UTRN: variants seen among roughly 807,000 people sequenced by gnomAD.
The protein encoded by UTRN is dystrophin-related protein 1.
A neutral mutation model predicts 463.9 loss-of-function variants in UTRN; 283 were observed. The observed-to-expected ratio is 0.61, with a 90% CI of 0.55 to 0.67. The LOEUF (loss-of-function observed/expected upper bound fraction) is 0.67, where lower values mean the gene tolerates loss of function less well. Among genes scored for constraint, UTRN ranks in the 30% least tolerant of loss-of-function variants. The probability of loss-of-function intolerance (pLI) is 0.00; values close to 1 mark genes in which losing one functional copy is unlikely to be tolerated. For synonymous variants in UTRN, 1,442 were observed against 1,431.5 expected (o/e 1.01, Z -0.17); for missense variants, 3,922 against 4,084.3 (o/e 0.96, Z 1.08).
intron 52 of UTRN, among the ~76,000 whole-genome samples, chr6:144,695,971 A>G (rs1376403117): frequency 6.6e-6 from 1 of 152,204 alleles, no homozygotes; most frequent in Non-Finnish European, 1.5e-5. Flanking sequence ...CATGGTTTCA[A>G]AGGCCAGTAA....
rs142282459 is a variant in UTRN, at chr6:144,395,504, G to A, written c.80-7619G>A. On this transcript the variant is annotated intron_variant, in intron 2 of 74. Transcript: ENST00000367545. ...ACATTCTTTCAGTTTAAGTTTAGGC[G>A]CTCTAGAAAGTGCAAGTAGAAAAAC... 5.0e-3 allele frequency among the ~76,000 whole-genome samples: 758 copies of A among 151,530 alleles called. 3 individuals carry two copies. The highest frequency in any genetic ancestry group is 7.8e-3 in the Non-Finnish European group (532 of 67,954).
intron 65 of UTRN, among the ~76,000 whole-genome samples, chr6:144,819,871 T>TCCTCCG (rs1562948796): frequency 1.5e-5 from 2 of 137,672 alleles, no homozygotes; most frequent in African/African-American, 5.9e-5. Context: ...CTTCTCCTCC[T>TCCTCCG]CCGCCGCCTC....
chr6:144,751,800 T>C lies in UTRN; in HGVS notation c.8209-6T>C. On this transcript the variant is annotated splice_polypyrimidine_tract_variant and splice_region_variant and intron_variant, in intron 55 of 74. Transcript: ENST00000367545. Reference sequence around the variant, plus strand: ...CAATAATATATTTTTTGTTCTTTTCTTCTAGGCATTTAGAGAAGAAATTGC... The same window carrying C: ...CAATAATATATTTTTTGTTCTTTTCCTCTAGGCATTTAGAGAAGAAATTGC... 6.3e-7 allele frequency: 1 copy of C among 1,596,156 alleles called. No homozygotes were observed. The highest frequency in any genetic ancestry group is 8.5e-7 in the Non-Finnish European group (1 of 1,173,632).
intron 2 of UTRN, among the ~76,000 whole-genome samples, chr6:144,380,321 CAA>C (rs1016289287): frequency 4.6e-5 from 7 of 152,070 alleles, no homozygotes; most frequent in African/African-American, 1.4e-4. Flanking sequence ...AAGAAGCAGA[CAA>C]AAATGTCTAG....
chr6:144,535,052 G>T (rs1437941738), intron 43 of UTRN, among the ~76,000 whole-genome samples: 1 of 152,062 alleles, frequency 6.6e-6, no homozygotes, highest in African/African-American at 2.4e-5. Flanking sequence ...TTGCATGGAG[G>T]GTCTTAGCTT....
intron 12 of UTRN, 152 bp from the exon 13 acceptor site, chr6:144,440,200 T>A: frequency 1.3e-6 from 1 of 752,514 alleles, no homozygotes; most frequent in Non-Finnish European, 2.2e-6. Flanking sequence ...TATAATAGGA[T>A]TAGTTTCATT....
rs375664557 is a variant in UTRN at position 144,782,071 on chromosome 6, G to T, written c.8782G>T (p.Val2928Phe). The T allele has an allele frequency of 6.2e-7, 1 of 1,613,920 alleles. No individual in the cohort carries two copies. The highest frequency in any genetic ancestry group is 8.5e-7 in the Non-Finnish European group (1 of 1,179,924). ...GCAAATGCATAAGGACCTGGTCAAC[G>T]TTCCACTCTGTGTTGATATGTGTCT... ...LEQMHKDLVN[V>F]PLCVDMCLNW... Residue 2928 changes from valine to phenylalanine, a missense_variant, in exon 61 of 75, where the codon GTT becomes TTT. By Grantham distance (50) the Val-to-Phe change is conservative (BLOSUM62 -1). This residue lies in a region of UTRN where 1,309 missense variants were observed against 1,452.6 expected (regional missense o/e 0.90). Transcript: ENST00000367545.
At chr6:144,840,110 C>A (rs1280176015) in intron 72 of UTRN, among the ~76,000 whole-genome samples, 6 of 152,098 alleles carry the variant, frequency 3.9e-5, no homozygotes, top group Non-Finnish European at 4.4e-5. Flanking sequence ...ATTGCTGGAA[C>A]CTGGGAGGCG....
intron 51 of UTRN, among the ~76,000 whole-genome samples, chr6:144,600,891 G>C (rs1804175282): frequency 6.6e-6 from 1 of 152,232 alleles, no homozygotes; most frequent in Admixed American, 6.5e-5. Flanking sequence ...TAATGCAGCT[G>C]GTGACTTTAA....
At chr6:144,351,358 A>G (rs1778093123) in intron 2 of UTRN, among the ~76,000 whole-genome samples, 1 of 152,218 alleles carries the variant, frequency 6.6e-6, no homozygotes, top group South Asian at 2.1e-4. Flanking sequence ...AAAATTTACC[A>G]GTGTGTCCTC....
At chr6:144,708,069 CTT>C (rs71028303) in intron 53 of UTRN, 125 of 170,232 alleles carry the variant, frequency 7.3e-4, no homozygotes, top group South Asian at 1.6e-3. Context: ...TGAAAATTAA[CTT>C]TTTTTTTTTT....
intron 14 of UTRN, among the ~76,000 whole-genome samples, chr6:144,444,655 C>T (rs1470443463): frequency 6.6e-6 from 1 of 152,122 alleles, no homozygotes; most frequent in Non-Finnish European, 1.5e-5. Flanking sequence ...TGTTTGACAT[C>T]ATAGTTATTA....
Position 144,797,821 on chromosome 6 carries a change from C to T in UTRN, c.9079-3C>T, listed in dbSNP as rs1264963975. ...ACTTTTAATATATTTCTTTTTTCAC[C>T]AGAATAACAATAAACCAGAAATAAG... On this transcript the variant is annotated splice_polypyrimidine_tract_variant and splice_region_variant and intron_variant, in intron 63 of 74. Coordinates refer to ENST00000367545, the MANE Select transcript of UTRN (RefSeq NM_007124.3). The T allele has an allele frequency of 1.2e-6, 2 of 1,609,724 alleles. No individual in the cohort carries two copies. The highest frequency in any genetic ancestry group is 2.7e-5 in the African/African-American group (2 of 74,528).
chr6:144,772,842 G>A (rs923844039), intron 59 of UTRN, among the ~76,000 whole-genome samples: 9 of 152,012 alleles, frequency 5.9e-5, no homozygotes, highest in Non-Finnish European at 1.0e-4. Flanking sequence ...TTGGTCCAGC[G>A]GTTTTTTTAA....
At chr6:144,541,839 C>T (rs915266032) in intron 45 of UTRN, among the ~76,000 whole-genome samples, 2 of 152,044 alleles carry the variant, frequency 1.3e-5, no homozygotes, top group African/African-American at 2.4e-5. Context: ...GGTTAATTTA[C>T]GAAGGATGAA....
chr6:144,674,624 T>TTGGC (rs1412655655), intron 51 of UTRN, among the ~76,000 whole-genome samples: 2 of 152,184 alleles, frequency 1.3e-5, no homozygotes, highest in African/African-American at 4.8e-5. Context: ...TGGTGTGACC[T>TTGGC]TGGCCCACTG....
intron 2 of UTRN, among the ~76,000 whole-genome samples, chr6:144,350,348 C>T (rs973972994): frequency 1.3e-5 from 2 of 151,624 alleles, no homozygotes; most frequent in East Asian, 1.9e-4. Flanking sequence ...TTAATAGTTT[C>T]GTTTCTTCTG....
At chr6:144,567,291 T>C (rs914618532) in intron 50 of UTRN, among the ~76,000 whole-genome samples, 24 of 152,052 alleles carry the variant, frequency 1.6e-4, no homozygotes, top group African/African-American at 5.8e-4. Context: ...GAAGAAGGGT[T>C]GGGGAGTGTG....
chr6:144,685,853 G>T (rs1782699532), intron 52 of UTRN, among the ~76,000 whole-genome samples: 1 of 152,010 alleles, frequency 6.6e-6, no homozygotes, highest in Non-Finnish European at 1.5e-5. Flanking sequence ...TTTTTGCTCT[G>T]TTGATTATTT....
Sources: allele counts gnomAD v4.1 joint callset (sites outside exome capture counted in the v4.1 genomes callset), GRCh38; gene constraint gnomAD v4.1.1; regional missense constraint gnomAD v4.1.1; transcripts MANE v1.5; gene names NCBI Gene and HGNC (gene_info 2026-07-23, HGNC 2026-07-21).